Variants in LRRTM4 observed in about 807,000 individuals in gnomAD.
The protein encoded by LRRTM4 is leucine-rich repeat transmembrane neuronal protein 4.
In LRRTM4, 25 loss-of-function variants were observed where a neutral mutation model predicts 47.6. That is an observed-to-expected ratio of 0.53 (90% CI 0.38 to 0.73). LRRTM4 has a LOEUF of 0.73. LRRTM4 is among the 30% of genes least tolerant of loss of function. LRRTM4 has a pLI of 0.00. For missense variants in LRRTM4, 638 were observed against 713.4 expected, an observed-to-expected ratio of 0.89 and a Z score of 1.20; for synonymous variants, 311 against 269.5, an observed-to-expected ratio of 1.15 and a Z score of -1.51.
chr2:76,994,775 T>A lies in LRRTM4; in HGVS notation c.1552-245859A>T, dbSNP rs1468067720. Among the ~76,000 whole-genome samples, 5 of 151,968 alleles carry A rather than the reference T, an allele frequency of 3.3e-5. No homozygotes were observed. In the East Asian group the frequency reaches 7.7e-4, roughly 23 times the overall value. The stretch of plus-strand genomic sequence containing the variant: ...TTTATAGTAAAGGAAATCCAGCAAA[T>A]AATTACATAAAAGTGTATTATCTGC... On this transcript the variant is annotated intron_variant, in intron 3 of 3. Transcript: ENST00000409884.
At chr2:76,999,777 A>AT (rs1677347804) in intron 3 of LRRTM4, among the ~76,000 whole-genome samples, 1 of 152,044 alleles carries the variant, frequency 6.6e-6, no homozygotes, top group Non-Finnish European at 1.5e-5. Context: ...GTCTGTACCT[A>AT]TTTTCCACTT....
At chr2:77,204,330 G>A (rs1674060872) in intron 3 of LRRTM4, among the ~76,000 whole-genome samples, 1 of 151,792 alleles carries the variant, frequency 6.6e-6, no homozygotes, top group Non-Finnish European at 1.5e-5. Context: ...CGTTTTTAAA[G>A]GTAACTCTTC....
chr2:77,326,478 C>T (rs996883525), intron 3 of LRRTM4, among the ~76,000 whole-genome samples: 4 of 152,144 alleles, frequency 2.6e-5, no homozygotes, highest in Non-Finnish European at 4.4e-5. Flanking sequence ...ACTGTGGCCT[C>T]GAACTTCTGG....
At chr2:76,779,816 G>T (rs1050900492) in intron 3 of LRRTM4, among the ~76,000 whole-genome samples, 12 of 152,058 alleles carry the variant, frequency 7.9e-5, no homozygotes, top group Non-Finnish European at 1.5e-5. Flanking sequence ...GATGTTAGCT[G>T]GTTATTTTGC....
At chr2:77,088,449 G>T (rs13387646) in intron 3 of LRRTM4, among the ~76,000 whole-genome samples, 27,022 of 151,824 alleles carry the variant, frequency 0.18, 3,706 homozygotes, top group East Asian at 0.42. Context: ...GGCTCAAAAA[G>T]CACCCCGACT....
chr2:77,335,896 C>A (rs962646333), intron 3 of LRRTM4, among the ~76,000 whole-genome samples: 1 of 152,008 alleles, frequency 6.6e-6, no homozygotes, highest in African/African-American at 2.4e-5. Context: ...CTTCATGGAC[C>A]ATACAGCCTC....
chr2:77,432,268 C>T (rs183853996), intron 3 of LRRTM4, among the ~76,000 whole-genome samples: 15 of 152,278 alleles, frequency 9.9e-5, no homozygotes, highest in Admixed American at 3.9e-4. Context: ...GTGCAACCCA[C>T]GTAGCAGCTC....
chr2:77,422,225 A>G (rs1674927877), intron 3 of LRRTM4, among the ~76,000 whole-genome samples: 1 of 152,224 alleles, frequency 6.6e-6, no homozygotes, highest in Non-Finnish European at 1.5e-5. Flanking sequence ...TTGTGCAAGT[A>G]TTCCAGCTAA....
chr2:77,461,295 C>T (rs951588619), intron 3 of LRRTM4, among the ~76,000 whole-genome samples: 10 of 152,022 alleles, frequency 6.6e-5, no homozygotes, highest in Admixed American at 3.3e-4. Flanking sequence ...ATTTTACTTT[C>T]TGGTTATTGT....
intron 3 of LRRTM4, among the ~76,000 whole-genome samples, chr2:77,301,011 T>C (rs1369677456): frequency 6.6e-6 from 1 of 152,118 alleles, no homozygotes; most frequent in Non-Finnish European, 1.5e-5. Flanking sequence ...CTTTTCCTTT[T>C]TTTTAAATTA....
intron 3 of LRRTM4, among the ~76,000 whole-genome samples, chr2:77,434,834 T>C (rs925540046): frequency 5.3e-5 from 8 of 152,160 alleles, no homozygotes; most frequent in African/African-American, 1.7e-4. Context: ...CCAATTATCC[T>C]ACCCTTAGTA....
intron 3 of LRRTM4, among the ~76,000 whole-genome samples, chr2:77,161,779 T>A (rs1416128476): frequency 6.6e-6 from 1 of 152,218 alleles, no homozygotes; most frequent in Non-Finnish European, 1.5e-5. Flanking sequence ...TGAAAATGTC[T>A]TATTTATTTT....
intron 3 of LRRTM4, among the ~76,000 whole-genome samples, chr2:76,805,809 A>AAAACAAACAAAC (rs145013975): frequency 3.9e-5 from 6 of 152,032 alleles, no homozygotes; most frequent in African/African-American, 1.4e-4. Flanking sequence ...AGACCTCCAT[A>AAAACAAACAAAC]AAACAAACAA....
intron 3 of LRRTM4, among the ~76,000 whole-genome samples, chr2:77,166,948 T>G (rs1345743849): frequency 6.6e-6 from 1 of 151,996 alleles, no homozygotes; most frequent in Non-Finnish European, 1.5e-5. Flanking sequence ...AAGCCAAAAT[T>G]GACAAATGGG....
chr2:76,830,169 G>T (rs963085998), intron 3 of LRRTM4, among the ~76,000 whole-genome samples: 1 of 151,898 alleles, frequency 6.6e-6, no homozygotes, highest in Admixed American at 6.6e-5. Flanking sequence ...TTTCACAGGA[G>T]AATCTTAGCA....
At chr2:76,972,645 C>G (rs1021427309) in intron 3 of LRRTM4, among the ~76,000 whole-genome samples, 1 of 151,988 alleles carries the variant, frequency 6.6e-6, no homozygotes, top group African/African-American at 2.4e-5. Context: ...TCGACTCGAA[C>G]TCCTGACCTC....
chr2:77,258,847 A>T (rs963348016), intron 3 of LRRTM4, among the ~76,000 whole-genome samples: 1 of 152,040 alleles, frequency 6.6e-6, no homozygotes, highest in Non-Finnish European at 1.5e-5. Context: ...TTCACCTATT[A>T]ATTAGAATAA....
At chr2:77,498,567 T>C (rs1421650434) in intron 3 of LRRTM4, among the ~76,000 whole-genome samples, 1 of 151,864 alleles carries the variant, frequency 6.6e-6, no homozygotes, top group African/African-American at 2.4e-5. Context: ...AGTTCACTGA[T>C]GCCTAACTAA....
chr2:76,905,854 C>T (rs1376094377), intron 3 of LRRTM4, among the ~76,000 whole-genome samples: 1 of 152,080 alleles, frequency 6.6e-6, no homozygotes. Flanking sequence ...TGTGAAAAGA[C>T]CAAATCTACA....
Sources: gnomAD v4.1 joint callset for allele counts (sites outside exome capture counted in the v4.1 genomes callset) on GRCh38, gnomAD v4.1.1 for gene constraint, MANE v1.5 for transcripts, NCBI Gene and HGNC (gene_info 2026-07-23, HGNC 2026-07-21) for gene names.